PTGFR: variants seen among roughly 807,000 people sequenced by gnomAD.
PTGFR encodes the protein prostaglandin F receptor, also known as prostaglandin F2-alpha receptor.
In PTGFR, 15 loss-of-function variants were observed where a neutral mutation model predicts 26.2. The observed-to-expected ratio is 0.57, with a 90% CI of 0.38 to 0.88. The LOEUF is 0.88. Among genes scored for constraint, PTGFR ranks in the 40% least tolerant of loss-of-function variants. The pLI is 0.00. For synonymous variants in PTGFR, 165 were observed against 151.1 expected, an observed-to-expected ratio of 1.09 and a Z score of -0.68; for missense variants, 369 against 427.2, an observed-to-expected ratio of 0.86 and a Z score of 1.20.
chr1:78,536,751 A>C lies in PTGFR; in HGVS notation c.*64A>C. 6.6e-7 allele frequency: 1 copy of C among 1,506,006 alleles called. No homozygotes were observed. 93.3% of individuals were successfully genotyped at this position (1,506,006 alleles called of 1,614,324 possible). ...ATTAAGACATGTTTGGCAATATTTC[A>C]GTTAGTTAAATACCTGTAGCCTAAC... On this transcript the variant is annotated 3_prime_UTR_variant, in exon 3 of 3. Transcript: ENST00000370757.
intron 2 of PTGFR, among the ~76,000 whole-genome samples, chr1:78,519,564 G>T (rs1650174586): frequency 6.6e-6 from 1 of 152,040 alleles, no homozygotes. Context: ...TTCAATGAGT[G>T]CCTACCATGG....
At position 78,538,172 on chromosome 1, in the gene PTGFR, A is replaced by T. The variant is rs950100615; in HGVS notation, c.*1485A>T. On this transcript the variant is annotated 3_prime_UTR_variant, in exon 3 of 3. Coordinates refer to ENST00000370757, the MANE Select transcript of PTGFR (RefSeq NM_000959.4). ...AAGAGTGTTGATGTCTTGTGAACAG[A>T]GATATAAGGAACCATTCTCCATCCT... The T allele has an allele frequency of 2.0e-5, 3 of 152,084 alleles. No individual in the cohort carries two copies. The highest frequency in any genetic ancestry group is 7.2e-5 in the African/African-American group (3 of 41,432). The allele number at this position is 152,084 out of a possible 1,614,324, so 9.4% of individuals were successfully genotyped here. A position where few individuals can be genotyped will look rare whatever the true frequency, so the allele number is the denominator to read the frequency against.
intron 2 of PTGFR, among the ~76,000 whole-genome samples, chr1:78,510,339 C>T (rs561238112): frequency 3.9e-4 from 59 of 152,290 alleles, no homozygotes; most frequent in Non-Finnish European, 7.1e-4. Context: ...GGCATCGTCT[C>T]AGCTTCTGTT....
chr1:78,509,476 G>A lies in PTGFR; in HGVS notation c.798+15935G>A, dbSNP rs114554156. Among the ~76,000 whole-genome samples the A allele has an allele frequency of 6.1e-3, 935 of 152,322 alleles. 10 individuals are homozygous for A. Among genetic ancestry groups the A allele is most frequent in the African/African-American group, 0.022 (903 of 41,570 alleles). The stretch of plus-strand genomic sequence containing the variant: ...GCATATAAAGAACTGTATGAGTGCT[G>A]TCTTGTTTCTTATTTCCTAGTATAA... On this transcript the variant is annotated intron_variant, in intron 2 of 2. Coordinates refer to ENST00000370757, the MANE Select transcript of PTGFR (RefSeq NM_000959.4).
intron 2 of PTGFR, among the ~76,000 whole-genome samples, chr1:78,494,902 C>T (rs2100347722): frequency 6.6e-6 from 1 of 152,330 alleles, no homozygotes; most frequent in South Asian, 2.1e-4. Context: ...CCACGCCCGG[C>T]CCACTAGTGC....
In PTGFR at chr1:78,539,477, T is replaced by G. The variant is rs1207245894; in HGVS notation, c.*2790T>G. ...ATGCTGGGAATATACATTTTATTACTTCTTAATCTGGGTGTCAAAGATTTT... is the reference window on the plus strand; with the variant it reads ...ATGCTGGGAATATACATTTTATTACGTCTTAATCTGGGTGTCAAAGATTTT... On this transcript the variant is annotated 3_prime_UTR_variant, in exon 3 of 3. Transcript: ENST00000370757. 6.6e-6 allele frequency: 1 copy of G among 152,552 alleles called. No individual in the cohort carries two copies. The highest frequency in any genetic ancestry group is 6.6e-5 in the Admixed American group (1 of 15,230). The allele number at this position is 152,552 out of a possible 1,614,324, so 9.4% of individuals were successfully genotyped here.
intron 2 of PTGFR, among the ~76,000 whole-genome samples, chr1:78,534,832 T>G (rs1650607068): frequency 6.6e-6 from 1 of 152,218 alleles, no homozygotes; most frequent in African/African-American, 2.4e-5. Flanking sequence ...TATCTTCTGT[T>G]GGATACTTAG....
At chr1:78,528,364 A>G (rs1374719257) in intron 2 of PTGFR, among the ~76,000 whole-genome samples, 2 of 151,392 alleles carry the variant, frequency 1.3e-5, no homozygotes, top group African/African-American at 4.9e-5. Context: ...CCAAACAACA[A>G]GATTGACTCA....
chr1:78,534,327 T>C (rs1403001442), intron 2 of PTGFR, among the ~76,000 whole-genome samples: 4 of 152,136 alleles, frequency 2.6e-5, no homozygotes, highest in Non-Finnish European at 5.9e-5. Context: ...ACTGCTTTTG[T>C]CGAACCAGCT....
chr1:78,533,037 T>C (rs901155776), intron 2 of PTGFR, among the ~76,000 whole-genome samples: 4 of 152,180 alleles, frequency 2.6e-5, no homozygotes, highest in African/African-American at 9.6e-5. Flanking sequence ...TATTGGACCA[T>C]ATATAGAGTT....
Position 78,536,642 on chromosome 1 carries a change from T to TG in PTGFR, c.1036dup (p.Ala346GlyfsTer4). 6.2e-7 allele frequency: 1 copy of TG among 1,613,024 alleles called. No individual in the cohort carries two copies. The highest frequency in any genetic ancestry group is 8.5e-7 in the Non-Finnish European group (1 of 1,179,464). On this transcript the variant is annotated frameshift_variant, in exon 3 of 3. Transcript: ENST00000370757. LOFTEE classifies it high-confidence loss of function. ...CCATTAAAAATTCCTTAAAGGTTGC[T>TG]GCTATTTCTGAGTCACCAGTTGCAG...
intron 2 of PTGFR, among the ~76,000 whole-genome samples, chr1:78,528,326 C>T (rs958281871): frequency 1.1e-5 from 1 of 91,286 alleles, no homozygotes; most frequent in African/African-American, 4.2e-5. Flanking sequence ...AAAAAAAGCA[C>T]AACACTCAAA....
At position 78,499,461 on chromosome 1, in the gene PTGFR, T is replaced by C. The variant is rs12085834; in HGVS notation, c.798+5920T>C. Among the ~76,000 whole-genome samples the C allele has an allele frequency of 3.7e-3, 560 of 152,318 alleles. 2 individuals are homozygous for C. Among genetic ancestry groups the C allele is most frequent in the African/African-American group, 0.012 (512 of 41,570 alleles). On this transcript the variant is annotated intron_variant, in intron 2 of 2. Transcript: ENST00000370757. ...TCCTAGACCAGTGCCTGGCATATAG[T>C]TGGGGTCAGTAAGAGTCTGCCAAAT... is the stretch of plus-strand genomic sequence containing the variant.
chr1:78,528,280 G>A (rs1441613192), intron 2 of PTGFR, among the ~76,000 whole-genome samples: 1 of 75,018 alleles, frequency 1.3e-5, no homozygotes, highest in Non-Finnish European at 2.4e-5. Context: ...AGAGAAGTAA[G>A]TTCAGAAAGT....
rs770324784 is a variant in PTGFR at position 78,491,105 on chromosome 1, C to T, written c.-204C>T. On this transcript the variant is annotated 5_prime_UTR_variant, in exon 1 of 3. Transcript: ENST00000370757. The stretch of plus-strand genomic sequence containing the variant: ...AGGGGACGAGCGGCTGGACCACAGC[C>T]GGCGCCCGATCAGGATCTCCGCGCT... 1 of 152,294 alleles carries T rather than the reference C, an allele frequency of 6.6e-6. No individual in the cohort carries two copies. The highest frequency in any genetic ancestry group is 1.5e-5 in the Non-Finnish European group (1 of 68,096). 9.4% of individuals were successfully genotyped at this position (152,294 alleles called of 1,614,324 possible).
intron 2 of PTGFR, among the ~76,000 whole-genome samples, chr1:78,511,015 CTGAGGAAAATTCATCCCTT>C (rs951615487): frequency 6.6e-5 from 10 of 152,196 alleles, no homozygotes; most frequent in Non-Finnish European, 4.4e-5. Flanking sequence ...CTCCCAAGGG[CTGAGGAAAATTCATCCCTT>C]TGGCTTTGCA....
intron 2 of PTGFR, among the ~76,000 whole-genome samples, chr1:78,507,110 A>C (rs1649843982): frequency 6.6e-6 from 1 of 152,128 alleles, no homozygotes; most frequent in Non-Finnish European, 1.5e-5. Flanking sequence ...TAATATTTGG[A>C]GCTTCCCCTC....
chr1:78,512,503 C>G (rs967650526), intron 2 of PTGFR, among the ~76,000 whole-genome samples: 4 of 151,994 alleles, frequency 2.6e-5, no homozygotes, highest in Non-Finnish European at 5.9e-5. Context: ...AGATGCTACA[C>G]TTTTTAAAAG....
chr1:78,512,528 T>C (rs757801637), intron 2 of PTGFR, among the ~76,000 whole-genome samples: 2 of 151,990 alleles, frequency 1.3e-5, no homozygotes, highest in Non-Finnish European at 2.9e-5. Flanking sequence ...AGATCTTGCA[T>C]GAACTCAGAG....
Sources: allele counts gnomAD v4.1 joint callset (sites outside exome capture counted in the v4.1 genomes callset), GRCh38; gene constraint gnomAD v4.1.1; transcripts MANE v1.5; gene names NCBI Gene and HGNC (gene_info 2026-07-23, HGNC 2026-07-21).